The following SBF2 variants were observed in gnomAD, a reference collection of about 807,000 sequenced individuals.
SBF2 encodes SET binding factor 2.
A neutral mutation model predicts 225.2 loss-of-function variants in SBF2; 112 were observed. That is an observed-to-expected ratio of 0.50 (90% CI 0.43 to 0.58). SBF2 has a LOEUF of 0.58. SBF2 is among the 20% of genes least tolerant of loss of function. The pLI, the probability that SBF2 is intolerant of heterozygous loss-of-function variation, is 0.00. For synonymous variants in SBF2, 763 were observed against 773.3 expected (o/e 0.99, Z 0.22); for missense variants, 1,996 against 2,206.2 (o/e 0.90, Z 1.91).
chr11:9,912,227 G>A lies in SBF2; in HGVS notation c.1861-16216C>T, dbSNP rs1172436837. Among the ~76,000 whole-genome samples, 3 of 149,202 alleles carry A rather than the reference G, an allele frequency of 2.0e-5. No homozygotes were observed. The South Asian group carries it at 6.4e-4, about 32-fold the overall frequency. ...CTACTCGGGAGGCTGAGGCAGAATA[G>A]CTTGAACCTGGGATGCGGAGGTTGC... On this transcript the variant is annotated intron_variant, in intron 16 of 39. Coordinates refer to ENST00000256190, the MANE Select transcript of SBF2 (RefSeq NM_030962.4).
chr11:10,088,067 A>C (rs1267004155), intron 2 of SBF2, among the ~76,000 whole-genome samples: 1 of 151,336 alleles, frequency 6.6e-6, no homozygotes, highest in Non-Finnish European at 1.5e-5. Flanking sequence ...TCTGTTGCCC[A>C]GGCTGGAGTG....
At chr11:10,256,334 T>C (rs1960863904) in intron 1 of SBF2, among the ~76,000 whole-genome samples, 1 of 152,240 alleles carries the variant, frequency 6.6e-6, no homozygotes, top group Non-Finnish European at 1.5e-5. Flanking sequence ...CTGCAGCTTC[T>C]GCTTACTACA....
At chr11:9,963,542 A>G (rs1866716661) in intron 15 of SBF2, among the ~76,000 whole-genome samples, 2 of 152,240 alleles carry the variant, frequency 1.3e-5, no homozygotes, top group Non-Finnish European at 2.9e-5. Context: ...ACAATGTTTA[A>G]AAGTTTGACA....
At chr11:10,019,985 T>C (rs371810555) in intron 6 of SBF2, among the ~76,000 whole-genome samples, 4 of 152,164 alleles carry the variant, frequency 2.6e-5, no homozygotes, top group African/African-American at 9.7e-5. Context: ...CTTATTGTTA[T>C]AGTAGATATT....
chr11:10,072,911 T>C (rs181326210), intron 2 of SBF2, among the ~76,000 whole-genome samples: 1,157 of 87,832 alleles, frequency 0.013, 10 homozygotes, highest in East Asian at 0.063. Context: ...TTATTATTAT[T>C]ATCATCATCA....
At chr11:10,244,749 G>C (rs890630246) in intron 1 of SBF2, among the ~76,000 whole-genome samples, 5 of 152,282 alleles carry the variant, frequency 3.3e-5, no homozygotes, top group East Asian at 3.9e-4. Flanking sequence ...CTATGGAAGA[G>C]AGAAAATACC....
intron 9 of SBF2, among the ~76,000 whole-genome samples, chr11:9,996,320 A>T (rs191502097): frequency 2.1e-3 from 314 of 152,310 alleles, no homozygotes; most frequent in Non-Finnish European, 3.5e-3. Flanking sequence ...CTATATCCAT[A>T]TACCATCTAT....
intron 17 of SBF2, among the ~76,000 whole-genome samples, chr11:9,871,714 A>C (rs528811046): frequency 6.6e-6 from 1 of 152,106 alleles, no homozygotes; most frequent in South Asian, 2.1e-4. Context: ...GATTGTCTTG[A>C]TCTCCTGACC....
intron 2 of SBF2, among the ~76,000 whole-genome samples, chr11:10,144,385 G>A (rs1459635389): frequency 6.6e-6 from 1 of 152,100 alleles, no homozygotes; most frequent in Non-Finnish European, 1.5e-5. Flanking sequence ...CTACCTGGGA[G>A]GTTAAGGTGG....
At chr11:10,253,786 G>A (rs970723619) in intron 1 of SBF2, among the ~76,000 whole-genome samples, 2 of 151,744 alleles carry the variant, frequency 1.3e-5, no homozygotes, top group African/African-American at 4.8e-5. Flanking sequence ...AAACAAAAAG[G>A]CCTTCTTTGT....
chr11:10,256,588 G>A (rs574389559), intron 1 of SBF2, among the ~76,000 whole-genome samples: 6 of 152,308 alleles, frequency 3.9e-5, no homozygotes, highest in Admixed American at 3.3e-4. Context: ...TATGGTTGTA[G>A]CTTCCACTAA....
intron 16 of SBF2, among the ~76,000 whole-genome samples, chr11:9,935,114 G>C (rs879051771): frequency 6.6e-6 from 1 of 152,078 alleles, no homozygotes; most frequent in East Asian, 1.9e-4. Context: ...AGTGTCTCAG[G>C]ATACAAAATC....
chr11:9,991,667 G>T (rs1248616920), intron 12 of SBF2, among the ~76,000 whole-genome samples: 2 of 152,210 alleles, frequency 1.3e-5, no homozygotes, highest in East Asian at 3.9e-4. Flanking sequence ...AAGGAAAGAT[G>T]CTTTTAAAAA....
intron 1 of SBF2, among the ~76,000 whole-genome samples, chr11:10,210,114 C>T (rs1957882239): frequency 6.6e-6 from 1 of 152,034 alleles, no homozygotes; most frequent in African/African-American, 2.4e-5. Flanking sequence ...CAGTTCAGCC[C>T]GGGCAACATG....
At position 10,117,740 on chromosome 11, in the gene SBF2, A is replaced by G. The variant is rs192799966; in HGVS notation, c.142-74759T>C. ...TTGAACTTGGGAAAGCAGCCTTAAG[A>G]GTCTCTCTTGGGTGCTATTTCCATG... On this transcript the variant is annotated intron_variant, in intron 2 of 39. Transcript: ENST00000256190. Among the ~76,000 whole-genome samples the G allele has an allele frequency of 3.8e-3, 576 of 150,138 alleles. 5 individuals carry two copies. The highest frequency in any genetic ancestry group is 5.2e-3 in the South Asian group (25 of 4,762).
intron 22 of SBF2, among the ~76,000 whole-genome samples, chr11:9,847,957 G>C (rs1026575124): frequency 6.6e-6 from 1 of 152,136 alleles, no homozygotes; most frequent in Non-Finnish European, 1.5e-5. Context: ...GGAGAATTGA[G>C]AGAGAAGATG....
At chr11:9,835,278 G>A (rs1564896922) in intron 26 of SBF2, among the ~76,000 whole-genome samples, 2 of 151,902 alleles carry the variant, frequency 1.3e-5, no homozygotes. Context: ...AAGCATCCAA[G>A]ATCTAGTATT....
At chr11:9,864,209 C>T (rs1857994896) in intron 17 of SBF2, among the ~76,000 whole-genome samples, 1 of 152,148 alleles carries the variant, frequency 6.6e-6, no homozygotes, top group South Asian at 2.1e-4. Context: ...GTTTTACTAC[C>T]TGATACTCAG....
chr11:9,835,568 G>A (rs925963317), intron 26 of SBF2, among the ~76,000 whole-genome samples: 1 of 143,266 alleles, frequency 7.0e-6, no homozygotes, highest in Non-Finnish European at 1.5e-5. Flanking sequence ...GGAGGTTGAG[G>A]CTGCAGTGAG....
Sources: gnomAD v4.1 joint callset for allele counts (sites outside exome capture counted in the v4.1 genomes callset) on GRCh38, gnomAD v4.1.1 for gene constraint, MANE v1.5 for transcripts, NCBI Gene and HGNC (gene_info 2026-07-23, HGNC 2026-07-21) for gene names.